Variants in TRABD2B observed in about 807,000 individuals in gnomAD.
TRABD2B encodes the protein TraB domain containing 2B.
In TRABD2B, 14 loss-of-function variants were observed where a neutral mutation model predicts 40.1. That is an observed-to-expected ratio of 0.35 (90% CI 0.23 to 0.55). The LOEUF (loss-of-function observed/expected upper bound fraction) is 0.55, where lower values mean the gene tolerates loss of function less well. Among genes scored for constraint, TRABD2B ranks in the 20% least tolerant of loss-of-function variants. TRABD2B has a pLI of 0.90. For missense variants in TRABD2B, 541 were observed against 648.6 expected (o/e 0.83, Z 1.80); for synonymous variants, 263 against 277.0 (o/e 0.95, Z 0.50).
intron 2 of TRABD2B, among the ~76,000 whole-genome samples, chr1:47,940,161 C>T (rs1349741804): frequency 1.3e-5 from 2 of 152,238 alleles, no homozygotes; most frequent in Non-Finnish European, 2.9e-5. Context: ...CCTTAGACCC[C>T]TTCTCTGTCC....
At chr1:47,903,763 C>T (rs565464177) in intron 2 of TRABD2B, among the ~76,000 whole-genome samples, 2 of 152,284 alleles carry the variant, frequency 1.3e-5, no homozygotes, top group East Asian at 1.9e-4. Flanking sequence ...CCTCTCATTA[C>T]CATAAATGAG....
intron 2 of TRABD2B, among the ~76,000 whole-genome samples, chr1:47,865,686 A>G (rs190893854): frequency 1.3e-5 from 2 of 152,236 alleles, no homozygotes; most frequent in African/African-American, 2.4e-5. Context: ...CTTTAAAATA[A>G]AGGGTTTAGA....
intron 2 of TRABD2B, among the ~76,000 whole-genome samples, chr1:47,933,575 G>A (rs948760092): frequency 1.3e-5 from 2 of 152,144 alleles, no homozygotes; most frequent in African/African-American, 4.8e-5. Flanking sequence ...TCTCCACTTT[G>A]ATGTATATAA....
chr1:47,936,202 A>C (rs1183373146), intron 2 of TRABD2B, among the ~76,000 whole-genome samples: 1 of 152,234 alleles, frequency 6.6e-6, no homozygotes, highest in Non-Finnish European at 1.5e-5. Context: ...CAATGATCAA[A>C]GAGAAGAGAT....
intron 2 of TRABD2B, among the ~76,000 whole-genome samples, chr1:47,875,674 CAAAAAA>C (rs10541556): frequency 6.6e-5 from 5 of 75,918 alleles, no homozygotes; most frequent in African/African-American, 1.5e-4. Flanking sequence ...AACCCTGTCT[CAAAAAA>C]AAAAAAAAAA....
intron 2 of TRABD2B, among the ~76,000 whole-genome samples, chr1:47,875,322 C>T (rs76187528): frequency 0.024 from 3,567 of 150,802 alleles, 115 homozygotes; most frequent in Admixed American, 0.095. Flanking sequence ...GCACAGCACG[C>T]GGCAACACTA....
intron 2 of TRABD2B, among the ~76,000 whole-genome samples, chr1:47,905,912 G>C (rs978355581): frequency 4.6e-5 from 7 of 152,112 alleles, no homozygotes; most frequent in Non-Finnish European, 1.0e-4. Context: ...TTCCCATTTG[G>C]AATCTCACCA....
intron 2 of TRABD2B, among the ~76,000 whole-genome samples, chr1:47,852,366 C>T (rs757594865): frequency 5.1e-4 from 78 of 152,202 alleles, no homozygotes; most frequent in Non-Finnish European, 9.3e-4. Flanking sequence ...AGTAATCTAA[C>T]CGACCATGAA....
At chr1:47,809,513 C>A (rs1034966859) in intron 2 of TRABD2B, among the ~76,000 whole-genome samples, 1 of 152,240 alleles carries the variant, frequency 6.6e-6, no homozygotes, top group Non-Finnish European at 1.5e-5. Context: ...CCCAAATCAT[C>A]TCTCAGCACT....
At chr1:47,838,325 T>G (rs921135187) in intron 2 of TRABD2B, among the ~76,000 whole-genome samples, 1 of 152,202 alleles carries the variant, frequency 6.6e-6, no homozygotes. Flanking sequence ...CAGGGAAGGC[T>G]GAGGCTTGAG....
intron 2 of TRABD2B, among the ~76,000 whole-genome samples, chr1:47,898,115 G>A (rs1644549639): frequency 6.6e-6 from 1 of 152,162 alleles, no homozygotes. Context: ...TGAAGGAAGG[G>A]AAGAATCTAG....
intron 2 of TRABD2B, among the ~76,000 whole-genome samples, chr1:47,956,403 G>A (rs577565507): frequency 6.6e-6 from 1 of 152,332 alleles, no homozygotes; most frequent in South Asian, 2.1e-4. Flanking sequence ...GAAGCAGGGC[G>A]GGGCATCGCC....
intron 2 of TRABD2B, among the ~76,000 whole-genome samples, chr1:47,956,241 G>C (rs1244223149): frequency 6.6e-6 from 1 of 152,168 alleles, no homozygotes; most frequent in East Asian, 1.9e-4. Context: ...ACTCATGGAG[G>C]TTCCAAGATG....
chr1:47,915,445 C>T (rs1370833634), intron 2 of TRABD2B, among the ~76,000 whole-genome samples: 2 of 152,208 alleles, frequency 1.3e-5, no homozygotes, highest in East Asian at 1.9e-4. Context: ...TGGATCATTA[C>T]CATTTGCATG....
chr1:47,893,658 G>A (rs1314705266), intron 2 of TRABD2B, among the ~76,000 whole-genome samples: 3 of 152,198 alleles, frequency 2.0e-5, no homozygotes, highest in African/African-American at 7.2e-5. Flanking sequence ...TTGACAATGA[G>A]TACACTGCAC....
In TRABD2B at chr1:47,907,289, T is replaced by C. The variant is rs186992713; in HGVS notation, c.666+86745A>G. ...AACATGGCTTTTTACAAGAGAGTCA[T>C]GGTCATTGAATTTGGTTTTCTAGCT... On this transcript the variant is annotated intron_variant, in intron 2 of 6. Coordinates refer to ENST00000606738, the MANE Select transcript of TRABD2B (RefSeq NM_001194986.2). 9.8e-5 allele frequency among the ~76,000 whole-genome samples: 15 copies of C among 152,318 alleles called. No homozygotes were observed. The East Asian group carries it at 2.3e-3, about 24-fold the overall frequency.
At chr1:47,832,147 G>A (rs1317116553) in intron 2 of TRABD2B, among the ~76,000 whole-genome samples, 2 of 152,082 alleles carry the variant, frequency 1.3e-5, no homozygotes, top group African/African-American at 2.4e-5. Flanking sequence ...CTTGGCTAAT[G>A]TGGTGAAGCC....
intron 2 of TRABD2B, among the ~76,000 whole-genome samples, chr1:47,823,922 G>A (rs535967015): frequency 3.3e-5 from 5 of 152,314 alleles, no homozygotes; most frequent in African/African-American, 1.2e-4. Flanking sequence ...TCTGGGGCCT[G>A]CCTGCAATGG....
At chr1:47,786,037 G>A (rs1245288510) in intron 4 of TRABD2B, among the ~76,000 whole-genome samples, 4 of 152,184 alleles carry the variant, frequency 2.6e-5, no homozygotes, top group Non-Finnish European at 5.9e-5. Context: ...AGCTCTGAGG[G>A]GCCAGGGACC....
Sources: gnomAD v4.1 joint callset for allele counts (sites outside exome capture counted in the v4.1 genomes callset) on GRCh38, gnomAD v4.1.1 for gene constraint, MANE v1.5 for transcripts, NCBI Gene and HGNC (gene_info 2026-07-23, HGNC 2026-07-21) for gene names.